FTO: variants seen among roughly 807,000 people sequenced by gnomAD.
The protein encoded by FTO is alpha-ketoglutarate-dependent dioxygenase FTO.
In FTO, 47 loss-of-function variants were observed where a neutral mutation model predicts 63.9. The observed-to-expected ratio is 0.74, with a 90% CI of 0.58 to 0.94. The LOEUF is 0.94. Ranked by LOEUF, FTO falls within the 40% of genes least tolerant of loss-of-function variation. FTO has a pLI of 0.00. For missense variants in FTO, 562 were observed against 618.1 expected (o/e 0.91, Z 0.96); for synonymous variants, 207 against 224.4 (o/e 0.92, Z 0.69).
intron 2 of FTO, among the ~76,000 whole-genome samples, chr16:53,812,215 G>T (rs1412305581): frequency 6.6e-6 from 1 of 151,916 alleles, no homozygotes; most frequent in Non-Finnish European, 1.5e-5. Flanking sequence ...CCAGAGAGTT[G>T]TCTCTGCTTC....
chr16:53,997,107 T>C (rs1451994680), intron 8 of FTO, among the ~76,000 whole-genome samples: 4 of 141,708 alleles, frequency 2.8e-5, no homozygotes, highest in Admixed American at 2.2e-4. Context: ...AGCAAGACTC[T>C]ATCTAAAGAA....
chr16:53,876,041 A>C (rs564657843), intron 5 of FTO, among the ~76,000 whole-genome samples: 1 of 152,260 alleles, frequency 6.6e-6, no homozygotes, highest in Admixed American at 6.5e-5. Flanking sequence ...TTCAATACAG[A>C]ATGTCTTTTT....
intron 2 of FTO, among the ~76,000 whole-genome samples, chr16:53,824,813 C>G (rs980993781): frequency 3.3e-5 from 5 of 152,138 alleles, no homozygotes; most frequent in Non-Finnish European, 7.4e-5. Flanking sequence ...TCAAACGTTA[C>G]AGAGGTAAAT....
At chr16:53,973,022 GA>G (rs2083363826) in intron 8 of FTO, among the ~76,000 whole-genome samples, 1 of 152,182 alleles carries the variant, frequency 6.6e-6, no homozygotes, top group Admixed American at 6.5e-5. Context: ...GGTTAACGGA[GA>G]AAGTAAGGCA....
intron 8 of FTO, among the ~76,000 whole-genome samples, chr16:53,955,364 G>A (rs2082904608): frequency 6.6e-6 from 1 of 152,136 alleles, no homozygotes; most frequent in Admixed American, 6.6e-5. Context: ...GTAAAAAAGA[G>A]GATGTCAGAT....
intron 1 of FTO, among the ~76,000 whole-genome samples, chr16:53,740,601 T>A (rs1444992128): frequency 6.6e-6 from 1 of 152,208 alleles, no homozygotes; most frequent in African/African-American, 2.4e-5. Context: ...CAATTCTTCA[T>A]CTTGTAATGC....
intron 7 of FTO, among the ~76,000 whole-genome samples, chr16:53,910,134 T>C (rs1172257821): frequency 6.6e-6 from 1 of 152,084 alleles, no homozygotes; most frequent in African/African-American, 2.4e-5. Context: ...GTACAAACAA[T>C]AGGCACAAGA....
chr16:53,856,336 A>T (rs1284235792), intron 4 of FTO, among the ~76,000 whole-genome samples: 1 of 150,926 alleles, frequency 6.6e-6, no homozygotes, highest in Admixed American at 6.6e-5. Context: ...AGACTTTGTA[A>T]TCTAAGCCCA....
intron 6 of FTO, among the ~76,000 whole-genome samples, chr16:53,883,099 T>G (rs2080883989): frequency 6.6e-6 from 1 of 152,216 alleles, no homozygotes. Context: ...TCCATATTTA[T>G]AGTATAGAAA....
chr16:54,039,338 G>A (rs2085018361), intron 8 of FTO: 2 of 152,226 alleles, frequency 1.3e-5, no homozygotes, highest in South Asian at 4.1e-4. Context: ...ATACTTCTCT[G>A]TTTCAGAGTG....
chr16:53,778,950 G>A (rs1356556867), intron 1 of FTO, among the ~76,000 whole-genome samples: 1 of 151,338 alleles, frequency 6.6e-6, no homozygotes, highest in Non-Finnish European at 1.5e-5. Flanking sequence ...TGACTGAGAA[G>A]GTAATAGGAC....
intron 1 of FTO, 88 bp downstream of exon 1, chr16:53,704,317 A>T: frequency 7.5e-7 from 1 of 1,325,996 alleles, no homozygotes. Context: ...TGGCGAGCGG[A>T]TGCGCGGTGT....
intron 4 of FTO, among the ~76,000 whole-genome samples, chr16:53,857,735 A>G (rs1289712909): frequency 1.3e-5 from 2 of 152,002 alleles, no homozygotes; most frequent in Admixed American, 6.6e-5. Context: ...GTAATTTGAA[A>G]CTGTTCTTCC....
At chr16:53,790,198 T>G (rs2077871207) in intron 1 of FTO, among the ~76,000 whole-genome samples, 1 of 151,944 alleles carries the variant, frequency 6.6e-6, no homozygotes, top group South Asian at 2.1e-4. Flanking sequence ...TCCTCATTAT[T>G]GTGGAACCCA....
chr16:54,029,737 G>A lies in FTO; in HGVS notation c.1365-82025G>A, dbSNP rs577111027. 2.7e-4 allele frequency among the ~76,000 whole-genome samples: 41 copies of A among 152,088 alleles called. 1 individual carries two copies. The highest frequency in any genetic ancestry group is 9.8e-4 in the Admixed American group (15 of 15,248). ...TCCACAAGTATCTTTCTGTGGTGAC[G>A]GGGAGAATGATATTTACTGAACTAC... On this transcript the variant is annotated intron_variant, in intron 8 of 8. Coordinates refer to ENST00000471389, the MANE Select transcript of FTO (RefSeq NM_001080432.3).
rs1372118581 is a variant in FTO, at chr16:53,902,497, A to G, written c.1239+13546A>G. Among the ~76,000 whole-genome samples the G allele has an allele frequency of 7.2e-5, 11 of 152,306 alleles. No individual in the cohort carries two copies. In the East Asian group the frequency reaches 2.1e-3, roughly 29 times the overall value. ...TTCGCCAACTTTCAACGGTGTGCCA[A>G]TAGCAAAATAAGATAAACTGAGTGT... is the stretch of plus-strand genomic sequence containing the variant. On this transcript the variant is annotated intron_variant, in intron 7 of 8. Transcript: ENST00000471389.
intron 1 of FTO, among the ~76,000 whole-genome samples, chr16:53,739,041 G>A (rs915726432): frequency 6.6e-6 from 1 of 152,034 alleles, no homozygotes. Context: ...TGCCCAAACT[G>A]GTCTCAAACT....
In FTO at chr16:53,727,034, G is replaced by A. The variant is rs956211477; in HGVS notation, c.45+22805G>A. ...GAGTGCTGAATATATCTTCAATCAG[G>A]AGAAAGAAGTTTCCCCTCTTCTTTT... On this transcript the variant is annotated intron_variant, in intron 1 of 8. Coordinates refer to ENST00000471389, the MANE Select transcript of FTO (RefSeq NM_001080432.3). 5.3e-5 allele frequency among the ~76,000 whole-genome samples: 8 copies of A among 152,194 alleles called. No homozygotes were observed. The South Asian group carries it at 6.2e-4, about 12-fold the overall frequency.
intron 8 of FTO, among the ~76,000 whole-genome samples, chr16:54,014,686 T>C (rs1192609522): frequency 6.6e-6 from 1 of 152,122 alleles, no homozygotes; most frequent in Non-Finnish European, 1.5e-5. Context: ...AGAATTTTGA[T>C]TGACTGAACC....
Sources: gnomAD v4.1 joint callset for allele counts (sites outside exome capture counted in the v4.1 genomes callset) on GRCh38, gnomAD v4.1.1 for gene constraint, MANE v1.5 for transcripts, NCBI Gene and HGNC (gene_info 2026-07-23, HGNC 2026-07-21) for gene names.